The following ZNF518A variants were observed in gnomAD, a reference collection of about 807,000 sequenced individuals.
The protein encoded by ZNF518A is zinc finger protein 518.
Under a neutral mutation model 102.7 loss-of-function variants are expected in ZNF518A, and 47 were observed. That is an observed-to-expected ratio of 0.46 (90% CI 0.36 to 0.58). ZNF518A has a LOEUF of 0.58. Ranked by LOEUF, ZNF518A falls within the 20% of genes least tolerant of loss-of-function variation. The pLI is 0.00. For missense variants in ZNF518A, 1,793 were observed against 1,699.8 expected, an observed-to-expected ratio of 1.05 and a Z score of -0.96; for synonymous variants, 652 against 594.6, an observed-to-expected ratio of 1.10 and a Z score of -1.40.
At chr10:96,204,209 A>G, downstream of ZNF518A, 1 of 1,077,838 alleles carries the variant, frequency 9.3e-7, no homozygotes, top group South Asian at 1.4e-5. Context: ...CAAATGGCCA[A>G]TAAAATGTAT....
intron 3 of ZNF518A, among the ~76,000 whole-genome samples, chr10:96,134,826 G>A (rs1554873817): frequency 1.3e-5 from 2 of 152,200 alleles, no homozygotes; most frequent in African/African-American, 4.8e-5. Context: ...CTTCACATAG[G>A]TCTCATTTCA....
In ZNF518A at chr10:96,158,336, A is replaced by G. The variant is rs374827303; in HGVS notation, c.2014A>G (p.Thr672Ala). 7 of 1,613,622 alleles carry G rather than the reference A, an allele frequency of 4.3e-6. No homozygotes were observed. The highest frequency in any genetic ancestry group is 1.7e-5 in the Admixed American group (1 of 60,000). ...NPQRESSSSK[T>A]VVQQPISESF... The stretch of plus-strand genomic sequence containing the variant: ...TCAAAGAGAATCTTCATCCAGCAAA[A>G]CAGTTGTCCAACAACCAATTAGTGA... Residue 672 changes from threonine to alanine, a missense_variant, in exon 6 of 6, where the codon ACA (threonine) becomes GCA (alanine). Physicochemically the swap from Thr to Ala is moderately conservative, Grantham distance 58. Coordinates refer to ENST00000316045, the MANE Select transcript of ZNF518A (RefSeq NM_001330736.2).
chr10:96,165,376 G>A (rs915609579), downstream of ZNF518A, among the ~76,000 whole-genome samples: 8 of 151,392 alleles, frequency 5.3e-5, no homozygotes, highest in Admixed American at 2.6e-4. Context: ...CCAAAGTCTG[G>A]GATTATAGGC....
intron 1 of ZNF518A, chr10:96,189,519 C>G (rs1554892967): frequency 3.1e-6 from 2 of 651,232 alleles, no homozygotes; most frequent in African/African-American, 3.6e-5. Context: ...TTCTACAGAA[C>G]TAGGCCCTTT....
In ZNF518A at chr10:96,159,671, C is replaced by T. The variant is rs782753508; in HGVS notation, c.3349C>T (p.Leu1117=). The T allele has an allele frequency of 3.1e-6, 5 of 1,613,536 alleles. No individual in the cohort carries two copies. The highest frequency in any genetic ancestry group is 1.1e-5 in the South Asian group (1 of 91,072). ...LKCVMPNKTE[L]LKPKLVQNST... is the part of the protein sequence containing the mutation. ...GTGTGTGATGCCAAATAAAACTGAG[C>T]TGCTTAAGCCCAAATTAGTCCAAAA... Residue 1117 remains leucine (L), a synonymous_variant, in exon 6 of 6, where the codon CTG becomes TTG. Coordinates refer to ENST00000316045, the MANE Select transcript of ZNF518A (RefSeq NM_001330736.2).
chr10:96,191,896 G>C, intron 1 of ZNF518A: 1 of 1,575,556 alleles, frequency 6.3e-7, no homozygotes, highest in Non-Finnish European at 8.7e-7. Context: ...AAAATATGAA[G>C]TTTTGGGACT....
At chr10:96,131,832 T>A (rs2142208370) in intron 1 of ZNF518A, among the ~76,000 whole-genome samples, 1 of 152,326 alleles carries the variant, frequency 6.6e-6, no homozygotes, top group East Asian at 1.9e-4. Context: ...CCCAGAAGTT[T>A]CTATATTTTG....
At chr10:96,178,511 A>T (rs2083218980) in intron 1 of ZNF518A, among the ~76,000 whole-genome samples, 1 of 152,098 alleles carries the variant, frequency 6.6e-6, no homozygotes, top group Admixed American at 6.5e-5. Context: ...ATAAAGGTTT[A>T]CAGTCAATTA....
chr10:96,170,584 T>TA (rs1197918788), intron 1 of ZNF518A, among the ~76,000 whole-genome samples: 1 of 152,218 alleles, frequency 6.6e-6, no homozygotes, highest in Non-Finnish European at 1.5e-5. Context: ...GGTAAGCACT[T>TA]CCTGGGATGC....
Position 96,132,649 on chromosome 10 carries a change from C to T in ZNF518A, c.-389C>T, listed in dbSNP as rs1036814447. The T allele has an allele frequency of 1.3e-5, 2 of 151,696 alleles. No homozygotes were observed. The highest frequency in any genetic ancestry group is 2.9e-5 in the Non-Finnish European group (2 of 67,886). 9.4% of individuals were successfully genotyped at this position (151,696 alleles called of 1,614,324 possible). A position where few individuals can be genotyped will look rare whatever the true frequency, so the allele number is the denominator to read the frequency against. On this transcript the variant is annotated 5_prime_UTR_variant, in exon 2 of 6. Transcript: ENST00000316045. ...CATTGTGCAAGTGTTAAATTGTGTGCCTTTTGTTCCTGAAGAAAGAGGTAT... is the reference window on the plus strand; with the variant it reads ...CATTGTGCAAGTGTTAAATTGTGTGTCTTTTGTTCCTGAAGAAAGAGGTAT...
At chr10:96,136,261 T>C (rs980144598) in intron 3 of ZNF518A, among the ~76,000 whole-genome samples, 2 of 151,928 alleles carry the variant, frequency 1.3e-5, no homozygotes, top group African/African-American at 4.8e-5. Flanking sequence ...ATTACTCATT[T>C]TGGCAAAAAC....
At chr10:96,202,820 C>A (rs986739566) in intron 1 of ZNF518A, among the ~76,000 whole-genome samples, 1 of 152,146 alleles carries the variant, frequency 6.6e-6, no homozygotes, top group South Asian at 2.1e-4. Flanking sequence ...TTCTGACACC[C>A]GAATGTGCTA....
intron 3 of ZNF518A, among the ~76,000 whole-genome samples, chr10:96,137,167 C>T (rs1470651929): frequency 6.6e-6 from 1 of 152,190 alleles, no homozygotes; most frequent in Non-Finnish European, 1.5e-5. Context: ...CATGTTTGCT[C>T]CTTTCTAAGT....
At chr10:96,180,424 C>A (rs1489621722) in intron 1 of ZNF518A, among the ~76,000 whole-genome samples, 1 of 151,766 alleles carries the variant, frequency 6.6e-6, no homozygotes, top group Non-Finnish European at 1.5e-5. Flanking sequence ...TATACATGTG[C>A]CATGTTGGTT....
chr10:96,181,472 G>A (rs111654264), intron 1 of ZNF518A, among the ~76,000 whole-genome samples: 14 of 152,166 alleles, frequency 9.2e-5, no homozygotes, highest in Non-Finnish European at 2.1e-4. Context: ...GGTTTTTATG[G>A]TTTTAGGTCT....
At chr10:96,164,511 T>G (rs1554889645), downstream of ZNF518A, among the ~76,000 whole-genome samples, 1 of 152,250 alleles carries the variant, frequency 6.6e-6, no homozygotes, top group Non-Finnish European at 1.5e-5. Context: ...GTTTGATGTT[T>G]ATTAATTTAT....
intron 1 of ZNF518A, chr10:96,189,410 T>C: frequency 1.7e-6 from 1 of 596,292 alleles, no homozygotes; most frequent in Non-Finnish European, 3.2e-6. Flanking sequence ...CCTGGTCAGT[T>C]GTCCGGAAGC....
At chr10:96,151,048 C>T (rs587716295) in intron 3 of ZNF518A, among the ~76,000 whole-genome samples, 33 of 152,204 alleles carry the variant, frequency 2.2e-4, no homozygotes, top group Non-Finnish European at 4.3e-4. Context: ...CCAGCACTCC[C>T]AGCCTTACTG....
intron 1 of ZNF518A, among the ~76,000 whole-genome samples, chr10:96,175,977 C>G (rs1554891433): frequency 6.7e-6 from 1 of 148,308 alleles, no homozygotes; most frequent in East Asian, 2.0e-4. Flanking sequence ...AGAGATAGGT[C>G]TTACTCTATC....
Sources: allele counts gnomAD v4.1 joint callset (sites outside exome capture counted in the v4.1 genomes callset), GRCh38; gene constraint gnomAD v4.1.1; transcripts MANE v1.5; gene names NCBI Gene and HGNC (gene_info 2026-07-23, HGNC 2026-07-21).